TDP1: variants seen among roughly 807,000 people sequenced by gnomAD.
The protein encoded by TDP1 is tyrosyl-DNA phosphodiesterase 1.
Under a neutral mutation model 81.5 loss-of-function variants are expected in TDP1, and 64 were observed. The ratio of observed to expected loss-of-function variants is 0.79; its 90% CI spans 0.64 to 0.97. TDP1 has a LOEUF of 0.97. Among genes scored for constraint, TDP1 ranks in the 50% least tolerant of loss-of-function variants. The probability of loss-of-function intolerance (pLI) is 0.00; values close to 1 mark genes in which losing one functional copy is unlikely to be tolerated. For missense variants in TDP1, 723 were observed against 743.8 expected (o/e 0.97, Z 0.33); for synonymous variants, 256 against 264.3 (o/e 0.97, Z 0.30).
chr14:89,958,837 A>G (rs1405706377), intron 2 of TDP1, among the ~76,000 whole-genome samples: 2 of 152,210 alleles, frequency 1.3e-5, no homozygotes, highest in Admixed American at 6.5e-5. Flanking sequence ...CCGCTATCAC[A>G]TAGACTATCA....
chr14:90,020,484 C>CTCCCTCCCTCCCTCCCTTCCG (rs1885871468), intron 15 of TDP1, among the ~76,000 whole-genome samples: 1 of 78,400 alleles, frequency 1.3e-5, no homozygotes, highest in African/African-American at 6.5e-5. Flanking sequence ...CCTTCCCTCC[C>CTCCCTCCCTCCCTCCCTTCCG]TCCCTCCCTC....
chr14:89,987,326 T>C (rs761852221), intron 10 of TDP1, among the ~76,000 whole-genome samples: 1 of 152,228 alleles, frequency 6.6e-6, no homozygotes, highest in African/African-American at 2.4e-5. Context: ...TCAGTTCTTA[T>C]GCTGTCTTCC....
chr14:89,968,573 G>A (rs1331887812), intron 5 of TDP1, among the ~76,000 whole-genome samples: 2 of 152,252 alleles, frequency 1.3e-5, no homozygotes, highest in East Asian at 1.9e-4. Context: ...CTAACCAGCT[G>A]TAAAAGAGGC....
At chr14:90,023,214 T>G in intron 15 of TDP1, 1 of 661,872 alleles carries the variant, frequency 1.5e-6, no homozygotes, top group Non-Finnish European at 2.7e-6. Flanking sequence ...GGGAAAGGCT[T>G]TGTTAAGGAG....
At position 90,039,673 on chromosome 14, in the gene TDP1, T is replaced by TA. The variant is rs35233912; in HGVS notation, c.1754-3383dup. Among the ~76,000 whole-genome samples the TA allele has an allele frequency of 8.3e-3, 1,163 of 140,832 alleles. 5 individuals carry two copies. The highest frequency in any genetic ancestry group is 0.012 in the Non-Finnish European group (738 of 63,880). 92.4% of individuals were successfully genotyped at this position (140,832 alleles called of 152,430 possible). On this transcript the variant is annotated intron_variant, in intron 16 of 16. Coordinates refer to ENST00000335725, the MANE Select transcript of TDP1 (RefSeq NM_018319.4). ...ACGTCACTTGGATTTATCTGATTATTAAAAAAAAAAAAAAGAAACTGTTAA... is the reference window on the plus strand; with the variant it reads ...ACGTCACTTGGATTTATCTGATTATTAAAAAAAAAAAAAAAGAAACTGTTAA...
At chr14:89,993,595 T>A in intron 14 of TDP1, 112 bp downstream of exon 14, 1 of 1,507,190 alleles carries the variant, frequency 6.6e-7, no homozygotes, top group South Asian at 1.2e-5. Context: ...TCATTAGTTT[T>A]CAGTATGTTT....
chr14:89,982,875 A>G (rs988114673), intron 8 of TDP1, among the ~76,000 whole-genome samples: 20 of 152,028 alleles, frequency 1.3e-4, no homozygotes, highest in South Asian at 6.2e-4. Context: ...TTTGTATACA[A>G]TCTCACTTCA....
At chr14:89,986,999 T>A (rs918261060) in intron 10 of TDP1, 12 of 152,264 alleles carry the variant, frequency 7.9e-5, no homozygotes, top group African/African-American at 2.9e-4. Context: ...TGCATAATTA[T>A]CAAAGCAGGA....
Position 89,984,119 on chromosome 14 carries a change from A to G in TDP1, c.885-397A>G, listed in dbSNP as rs772193534. On this transcript the variant is annotated intron_variant, in intron 8 of 16. Transcript: ENST00000335725. ...GGGCAAATTCTTGCTTGGGATTACCACTAGTAGCATGGATTTGCTTTAACC... is the reference window on the plus strand; with the variant it reads ...GGGCAAATTCTTGCTTGGGATTACCGCTAGTAGCATGGATTTGCTTTAACC... The G allele has an allele frequency of 1.6e-4, 161 of 985,470 alleles. 1 individual carries two copies. The highest frequency in any genetic ancestry group is 5.2e-4 in the Middle Eastern group (1 of 1,914). The allele number at this position is 985,470 out of a possible 1,614,324, so 61.0% of individuals were successfully genotyped here.
chr14:90,025,638 A>G (rs1286325978), intron 15 of TDP1, among the ~76,000 whole-genome samples: 2 of 152,210 alleles, frequency 1.3e-5, no homozygotes, highest in Non-Finnish European at 1.5e-5. Flanking sequence ...CAGGTCTAAA[A>G]TCAATTTATC....
chr14:89,969,686 A>T (rs1893370610), intron 5 of TDP1, among the ~76,000 whole-genome samples: 1 of 152,156 alleles, frequency 6.6e-6, no homozygotes, highest in Non-Finnish European at 1.5e-5. Context: ...GCTATTGGGC[A>T]AGAGGTAGTG....
intron 6 of TDP1, among the ~76,000 whole-genome samples, chr14:89,972,636 G>T (rs17126514): frequency 6.6e-6 from 1 of 152,044 alleles, no homozygotes; most frequent in Admixed American, 6.5e-5. Context: ...TACACGTGGC[G>T]CATTTTGAGC....
chr14:89,986,397 AATG>A (rs1336819205), intron 10 of TDP1, among the ~76,000 whole-genome samples: 2 of 152,242 alleles, frequency 1.3e-5, no homozygotes, highest in African/African-American at 4.8e-5. Context: ...GATTAAATGA[AATG>A]ATGAATGTAA....
intron 15 of TDP1, among the ~76,000 whole-genome samples, chr14:90,022,388 G>T (rs1281536267): frequency 4.6e-5 from 7 of 152,254 alleles, no homozygotes; most frequent in African/African-American, 1.7e-4. Context: ...CCTCTTAGGG[G>T]ACTCAGCAGC....
chr14:90,027,451 C>T (rs577619554), intron 15 of TDP1, among the ~76,000 whole-genome samples: 3 of 152,020 alleles, frequency 2.0e-5, no homozygotes, highest in Non-Finnish European at 4.4e-5. Context: ...TGAGCTGGAA[C>T]AGCATGTCCC....
At chr14:90,027,397 C>T (rs1162835310) in intron 15 of TDP1, among the ~76,000 whole-genome samples, 3 of 152,130 alleles carry the variant, frequency 2.0e-5, no homozygotes, top group South Asian at 2.1e-4. Context: ...CTTTGGCCCA[C>T]GAGATGATGT....
intron 6 of TDP1, among the ~76,000 whole-genome samples, chr14:89,971,715 A>G (rs1351815678): frequency 6.6e-6 from 1 of 152,162 alleles, no homozygotes; most frequent in Non-Finnish European, 1.5e-5. Context: ...CCCTGGTTGC[A>G]TGTAGCTTGT....
At chr14:90,012,001 A>C (rs1394529049) in intron 14 of TDP1, among the ~76,000 whole-genome samples, 1 of 152,236 alleles carries the variant, frequency 6.6e-6, no homozygotes, top group Non-Finnish European at 1.5e-5. Flanking sequence ...CATGCCTGGA[A>C]GCCTAGGAGG....
intron 7 of TDP1, among the ~76,000 whole-genome samples, chr14:89,978,411 G>T (rs186137067): frequency 1.3e-5 from 2 of 152,326 alleles, no homozygotes; most frequent in East Asian, 3.9e-4. Flanking sequence ...TTCTAGGATG[G>T]CACCTGGTAG....
Sources: gnomAD v4.1 joint callset for allele counts (sites outside exome capture counted in the v4.1 genomes callset) on GRCh38, gnomAD v4.1.1 for gene constraint, MANE v1.5 for transcripts, NCBI Gene and HGNC (gene_info 2026-07-23, HGNC 2026-07-21) for gene names.